Variants in SORCS2 observed in about 807,000 individuals in gnomAD.
SORCS2 encodes the protein VPS10 domain-containing receptor SorCS2.
A neutral mutation model predicts 141.6 loss-of-function variants in SORCS2; 100 were observed. The observed-to-expected ratio is 0.71, with a 90% CI of 0.60 to 0.83. SORCS2 has a LOEUF of 0.83. Ranked by LOEUF, SORCS2 falls within the 40% of genes least tolerant of loss-of-function variation. The pLI is 0.00. For missense variants in SORCS2, 1,646 were observed against 1,560.2 expected, an observed-to-expected ratio of 1.05 and a Z score of -0.93; for synonymous variants, 789 against 676.9, an observed-to-expected ratio of 1.17 and a Z score of -2.57.
chr4:7,220,661 A>G (rs970572408), intron 1 of SORCS2, among the ~76,000 whole-genome samples: 1 of 152,134 alleles, frequency 6.6e-6, no homozygotes, highest in South Asian at 2.1e-4. Flanking sequence ...GGAAAGTTCC[A>G]TGTGTGGGGA....
intron 3 of SORCS2, among the ~76,000 whole-genome samples, chr4:7,560,570 C>T (rs773845641): frequency 2.0e-5 from 3 of 152,078 alleles, no homozygotes; most frequent in Non-Finnish European, 2.9e-5. Context: ...GCCCAAGATG[C>T]GCCCCCAGCA....
At chr4:7,419,261 C>T (rs1336941246) in intron 2 of SORCS2, among the ~76,000 whole-genome samples, 1 of 152,110 alleles carries the variant, frequency 6.6e-6, no homozygotes, top group Non-Finnish European at 1.5e-5. Flanking sequence ...GTTCAGGAGA[C>T]AGGCAGTTCC....
chr4:7,555,632 C>G (rs1031691408), intron 3 of SORCS2, among the ~76,000 whole-genome samples: 1 of 152,162 alleles, frequency 6.6e-6, no homozygotes, highest in Non-Finnish European at 1.5e-5. Context: ...GGGAAACTGA[C>G]GTTGATTTAA....
At chr4:7,538,847 A>G (rs747672091) in intron 3 of SORCS2, among the ~76,000 whole-genome samples, 12 of 152,186 alleles carry the variant, frequency 7.9e-5, no homozygotes, top group Non-Finnish European at 1.5e-4. Flanking sequence ...GAATCAAGTG[A>G]AAATTTTGTT....
intron 2 of SORCS2, among the ~76,000 whole-genome samples, chr4:7,451,587 G>A (rs755704990): frequency 1.3e-5 from 2 of 152,244 alleles, no homozygotes; most frequent in African/African-American, 2.4e-5. Context: ...GGCCATTCAC[G>A]TGCTGTGGGC....
rs1169416131 is a variant in SORCS2, at chr4:7,742,383, C to A, written c.*2119C>A. On this transcript the variant is annotated 3_prime_UTR_variant, in exon 27 of 27. Transcript: ENST00000507866. ...GGCAACATGGAACCCTGGGAACTGC[C>A]CTCCCCCTTAGCTCACAGTGCCTGC... The A allele has an allele frequency of 6.6e-6, 1 of 152,292 alleles. No individual in the cohort carries two copies. The highest frequency in any genetic ancestry group is 1.5e-5 in the Non-Finnish European group (1 of 68,114). 9.4% of individuals were successfully genotyped at this position (152,292 alleles called of 1,614,324 possible). A position where few individuals can be genotyped will look rare whatever the true frequency, so the allele number is the denominator to read the frequency against.
chr4:7,354,960 C>A (rs9790510), intron 1 of SORCS2, among the ~76,000 whole-genome samples: 94,451 of 151,970 alleles, frequency 0.62, 30,702 homozygotes, highest in Non-Finnish European at 0.73. Context: ...TTTTATTTAT[C>A]CCAATCTCAT....
intron 2 of SORCS2, among the ~76,000 whole-genome samples, chr4:7,461,284 T>C (rs960204797): frequency 6.6e-6 from 1 of 152,276 alleles, no homozygotes; most frequent in South Asian, 2.1e-4. Flanking sequence ...TGGGGGCGTC[T>C]GCAGCCCCTG....
rs202126160 is a variant in SORCS2, at chr4:7,676,124, C to T, written c.1236C>T (p.Tyr412=). 3.9e-4 allele frequency: 625 copies of T among 1,582,562 alleles called. 3 individuals are homozygous for T. The highest frequency in any genetic ancestry group is 5.1e-4 in the Non-Finnish European group (596 of 1,162,876). ...AVQEWYQMDT[Y]NLYQSDPRGV... is the part of the protein sequence containing the mutation. ...AGGAGTGGTACCAGATGGACACCTA[C>T]AACCTGTACCAGTCGGACCCACGGG... The change falls in exon 9 of 27, where the codon TAC becomes TAT. Residue 412 remains tyrosine (Y), a synonymous_variant. Coordinates refer to ENST00000507866, the MANE Select transcript of SORCS2 (RefSeq NM_020777.3).
At chr4:7,276,029 C>A (rs1030448803) in intron 1 of SORCS2, among the ~76,000 whole-genome samples, 1 of 152,176 alleles carries the variant, frequency 6.6e-6, no homozygotes, top group Non-Finnish European at 1.5e-5. Flanking sequence ...AGTTGCTCTG[C>A]TCATAATGCG....
chr4:7,371,415 G>A (rs941922155), intron 1 of SORCS2, among the ~76,000 whole-genome samples: 1 of 152,214 alleles, frequency 6.6e-6, no homozygotes, highest in Admixed American at 6.5e-5. Flanking sequence ...ATGCTCTTCA[G>A]AGGGATTATA....
intron 1 of SORCS2, among the ~76,000 whole-genome samples, chr4:7,392,896 G>GT (rs1306165666): frequency 5.8e-4 from 5 of 8,576 alleles, no homozygotes; most frequent in African/African-American, 1.4e-3. Context: ...GCCCCTCCCA[G>GT]TCGGGGGGGG....
At chr4:7,426,184 C>T (rs1015469601) in intron 2 of SORCS2, among the ~76,000 whole-genome samples, 17 of 152,216 alleles carry the variant, frequency 1.1e-4, no homozygotes, top group African/African-American at 3.1e-4. Context: ...CCGGGAGTTG[C>T]GGGCCAGGGC....
At chr4:7,446,141 G>C (rs1436263823) in intron 2 of SORCS2, among the ~76,000 whole-genome samples, 1 of 152,032 alleles carries the variant, frequency 6.6e-6, no homozygotes, top group Non-Finnish European at 1.5e-5. Context: ...GGTCAGACTG[G>C]GGGTTGGAGG....
At chr4:7,511,562 G>A (rs992256918) in intron 2 of SORCS2, among the ~76,000 whole-genome samples, 1 of 152,120 alleles carries the variant, frequency 6.6e-6, no homozygotes, top group Non-Finnish European at 1.5e-5. Flanking sequence ...AGGGGTTGAA[G>A]AGAGAGTGAG....
In SORCS2 at chr4:7,664,398, T is replaced by G. The variant is rs763158898; in HGVS notation, c.998T>G (p.Met333Arg). Reference protein sequence around the residue: ...TCAIHNCSEKMLTAPFAGPID... With the variant: ...TCAIHNCSEKRLTAPFAGPID... ...GCAATCCACAATTGCTCCGAGAAGA[T>G]GCTGACAGCCCCATTCGCAGGCCCC... Residue 333 changes from methionine to arginine, a missense_variant, in exon 7 of 27, where the codon ATG (methionine) becomes AGG (arginine). Transcript: ENST00000507866. This position sits in a 1 kb window ranked among gnomAD's most constrained non-coding sequence, Gnocchi z 4.7. 2 of 1,613,786 alleles carry G rather than the reference T, an allele frequency of 1.2e-6. No homozygotes were observed. Among genetic ancestry groups the G allele is most frequent in the Admixed American group, 3.3e-5 (2 of 60,004 alleles).
chr4:7,225,191 C>T (rs1371979556), intron 1 of SORCS2, among the ~76,000 whole-genome samples: 1 of 152,206 alleles, frequency 6.6e-6, no homozygotes. Context: ...ATTTCTGCTT[C>T]AGGGGAGGTC....
chr4:7,621,162 C>T (rs561102955), intron 3 of SORCS2, among the ~76,000 whole-genome samples: 7 of 152,278 alleles, frequency 4.6e-5, no homozygotes, highest in Non-Finnish European at 8.8e-5. Context: ...CCAGGCCCAG[C>T]GGAGATGTGG....
intron 3 of SORCS2, among the ~76,000 whole-genome samples, chr4:7,637,390 T>TCC (rs1422917548): frequency 3.3e-5 from 5 of 152,056 alleles, no homozygotes; most frequent in African/African-American, 1.2e-4. Flanking sequence ...ACCCCGTCAC[T>TCC]CTCTCCCCGT....
Sources: allele counts gnomAD v4.1 joint callset (sites outside exome capture counted in the v4.1 genomes callset), GRCh38; gene constraint gnomAD v4.1.1; non-coding constraint Gnocchi (gnomAD v3.1); transcripts MANE v1.5; gene names NCBI Gene and HGNC (gene_info 2026-07-23, HGNC 2026-07-21).